The following SLC25A24 variants were observed in gnomAD, a reference collection of about 807,000 sequenced individuals.
The protein encoded by SLC25A24 is mitochondrial adenyl nucleotide antiporter SLC25A24.
A neutral mutation model predicts 60.7 loss-of-function variants in SLC25A24; 49 were observed. The ratio of observed to expected loss-of-function variants is 0.81; its 90% confidence interval spans 0.64 to 1.02. The LOEUF is 1.02. Ranked by LOEUF, SLC25A24 falls within the 50% of genes least tolerant of loss-of-function variation. SLC25A24 has a pLI of 0.00. For synonymous variants in SLC25A24, 202 were observed against 200.6 expected (o/e 1.01, Z -0.06); for missense variants, 564 against 586.3 (o/e 0.96, Z 0.39).
Position 108,185,812 on chromosome 1 carries a change from C to A in SLC25A24, c.310+16G>T. ...GCTTCTTCATAGCTGGTGATAAATA[C>A]AAAAGAAAGACACACCATCATTATT... is the stretch of plus-strand genomic sequence containing the variant. On this transcript the variant is annotated intron_variant, in intron 2 of 9. Transcript: ENST00000565488. 1 of 1,571,692 alleles carries A rather than the reference C, an allele frequency of 6.4e-7. No individual in the cohort carries two copies. Among genetic ancestry groups the A allele is most frequent in the Non-Finnish European group, 8.7e-7 (1 of 1,150,312 alleles).
rs1210448515 is a variant in SLC25A24 at position 108,136,723 on chromosome 1, A to G, written c.1364T>C (p.Leu455Pro). The change falls in exon 10 of 10, where the codon CTC becomes CCC. Residue 455 changes from leucine to proline, a missense_variant. Leu to Pro is a moderately conservative substitution (Grantham distance 98). Coordinates refer to ENST00000565488, the MANE Select transcript of SLC25A24 (RefSeq NM_013386.5). ...RGITPNFMKV[L>P]PAVGISYVVY... ...CACATAACTGATGCCTACAGCAGGG[A>G]GCACCTTCATGAAGTTTGGGGTGAT... 9 of 1,614,014 alleles carry G rather than the reference A, an allele frequency of 5.6e-6. No individual in the cohort carries two copies. Among genetic ancestry groups the G allele is most frequent in the South Asian group, 1.1e-5 (1 of 91,094 alleles).
intron 6 of SLC25A24, 83 bp downstream of exon 6, chr1:108,154,900 C>T (rs777816933): frequency 1.4e-5 from 15 of 1,049,596 alleles, no homozygotes; most frequent in Non-Finnish European, 1.9e-5. Flanking sequence ...AACAAGAATC[C>T]CAAAAGCATT....
chr1:108,162,760 T>G lies in SLC25A24; in HGVS notation c.399-1467A>C, dbSNP rs1005496691. Among the ~76,000 whole-genome samples, 619 of 152,082 alleles carry G rather than the reference T, an allele frequency of 4.1e-3. 3 individuals carry two copies. Among genetic ancestry groups the G allele is most frequent in the Non-Finnish European group, 6.7e-3 (455 of 67,880 alleles). Reference sequence around the variant, plus strand: ...TTTGGAGGTTGCCTGTTCACTCTGATAGTAGTTTCTTTTGCTGTGCAGAAG... The same window carrying G: ...TTTGGAGGTTGCCTGTTCACTCTGAGAGTAGTTTCTTTTGCTGTGCAGAAG... On this transcript the variant is annotated intron_variant, in intron 3 of 9. Transcript: ENST00000565488.
At chr1:108,157,436 C>G (rs1363555792) in intron 5 of SLC25A24, 26 bp downstream of exon 5, 1 of 1,602,194 alleles carries the variant, frequency 6.2e-7, no homozygotes, top group East Asian at 2.2e-5. Context: ...TTAGGGCAAA[C>G]CTGGACACAC....
chr1:108,158,929 G>A (rs568224395), intron 4 of SLC25A24, among the ~76,000 whole-genome samples: 20 of 152,140 alleles, frequency 1.3e-4, no homozygotes, highest in South Asian at 8.3e-4. Flanking sequence ...CGTGAACCCC[G>A]GAGGCCGAGT....
At chr1:108,179,747 A>T (rs991746385) in intron 3 of SLC25A24, among the ~76,000 whole-genome samples, 1 of 152,180 alleles carries the variant, frequency 6.6e-6, no homozygotes, top group African/African-American at 2.4e-5. Flanking sequence ...GTTAAAGGAC[A>T]CACAATTTCA....
At chr1:108,152,607 A>G (rs1334374937) in intron 6 of SLC25A24, among the ~76,000 whole-genome samples, 2 of 152,128 alleles carry the variant, frequency 1.3e-5, no homozygotes, top group Admixed American at 1.3e-4. Context: ...ACTACCTCCT[A>G]AAGTGCTGGG....
At position 108,200,335 on chromosome 1, in the gene SLC25A24, GCA is replaced by G; in HGVS notation, c.-199_-198del. 1 of 315,918 alleles carries G rather than the reference GCA, an allele frequency of 3.2e-6. No individual in the cohort carries two copies. The highest frequency in any genetic ancestry group is 5.6e-6 in the Non-Finnish European group (1 of 179,624). The allele number at this position is 315,918 out of a possible 1,614,324, so 19.6% of individuals were successfully genotyped here. The stretch of plus-strand genomic sequence containing the variant: ...GACCCCACCCGAGCCCGCGCGGAGC[GCA>G]GGGTGTGGCCGTCCCGCCGCTGCTG... On this transcript the variant is annotated 5_prime_UTR_variant, in exon 1 of 10. Coordinates refer to ENST00000565488, the MANE Select transcript of SLC25A24 (RefSeq NM_013386.5).
chr1:108,137,405 A>G (rs959309189), intron 9 of SLC25A24, among the ~76,000 whole-genome samples: 1 of 152,206 alleles, frequency 6.6e-6, no homozygotes, highest in African/African-American at 2.4e-5. Flanking sequence ...AGGAAGAGAA[A>G]GCGAAAACCA....
At chr1:108,153,935 T>C (rs1423418706) in intron 6 of SLC25A24, among the ~76,000 whole-genome samples, 1 of 152,160 alleles carries the variant, frequency 6.6e-6, no homozygotes, top group Non-Finnish European at 1.5e-5. Context: ...AATCCAAGTA[T>C]GTGGTCAGAA....
At chr1:108,187,927 G>GATAGATAGATAGATAGATAGATAT in intron 1 of SLC25A24, among the ~76,000 whole-genome samples, 1 of 95,748 alleles carries the variant, frequency 1.0e-5, no homozygotes, top group Non-Finnish European at 2.1e-5. Context: ...AGACATTATA[G>GATAGATAGATAGATAGATAGATAT]ATATATATAT....
At chr1:108,142,957 T>C (rs528269400) in intron 8 of SLC25A24, among the ~76,000 whole-genome samples, 3 of 152,262 alleles carry the variant, frequency 2.0e-5, no homozygotes, top group Non-Finnish European at 4.4e-5. Flanking sequence ...CATCCTAACA[T>C]GCACCCTGGC....
At chr1:108,170,948 C>A (rs745654831) in intron 3 of SLC25A24, among the ~76,000 whole-genome samples, 2 of 152,078 alleles carry the variant, frequency 1.3e-5, no homozygotes, top group Non-Finnish European at 2.9e-5. Context: ...ATTTAGGCTG[C>A]CCCATTTGAG....
In SLC25A24 at chr1:108,191,492, G is replaced by A. The variant is rs776669591; in HGVS notation, c.184-5538C>T. ...TTCTAGGAATTAAAAATCCAGATAA[G>A]CTTTGCAGAAATAACATTTTGGACT... On this transcript the variant is annotated intron_variant, in intron 1 of 9. Coordinates refer to ENST00000565488, the MANE Select transcript of SLC25A24 (RefSeq NM_013386.5). Among the ~76,000 whole-genome samples the A allele has an allele frequency of 3.5e-4, 49 of 140,138 alleles. 9 individuals are homozygous for A. The highest frequency in any genetic ancestry group is 6.6e-4 in the Non-Finnish European group (42 of 63,992). 91.9% of individuals were successfully genotyped at this position (140,138 alleles called of 152,430 possible). A position where few individuals can be genotyped will look rare whatever the true frequency, so the allele number is the denominator to read the frequency against.
In SLC25A24 at chr1:108,200,101, G is replaced by A. The variant is rs759588873; in HGVS notation, c.38C>T (p.Ala13Val). Residue 13 changes from alanine (A) to valine (V), a missense_variant, in exon 1 of 10, where the codon GCG becomes GTG. By Grantham distance (64) the Ala-to-Val change is moderately conservative (BLOSUM62 0). Transcript: ENST00000565488. ...RWLRDFVLPT[A>V]ACQDAEQPTR... Reference sequence around the variant, plus strand: ...CGGCTGCTCCGCGTCCTGGCAGGCCGCGGTGGGCAGCACGAAGTCCCGCAG... The same window carrying A: ...CGGCTGCTCCGCGTCCTGGCAGGCCACGGTGGGCAGCACGAAGTCCCGCAG... The A allele has an allele frequency of 1.5e-5, 23 of 1,570,782 alleles. No individual in the cohort carries two copies. Among genetic ancestry groups the A allele is most frequent in the Non-Finnish European group, 1.9e-5 (22 of 1,158,910 alleles).
Position 108,154,934 on chromosome 1 carries a change from G to A in SLC25A24, c.822+49C>T, listed in dbSNP as rs78616848. ...TTATACATTAACATTTATTGAATCC[G>A]TTTACTAACTCCTCTTTGTTAATAA... On this transcript the variant is annotated intron_variant, in intron 6 of 9. Coordinates refer to ENST00000565488, the MANE Select transcript of SLC25A24 (RefSeq NM_013386.5). The A allele has an allele frequency of 9.8e-4, 1,389 of 1,415,416 alleles. 11 individuals carry two copies. In the African/African-American group the frequency reaches 0.016, roughly 17 times the overall value. 87.7% of individuals were successfully genotyped at this position (1,415,416 alleles called of 1,614,324 possible). A position where few individuals can be genotyped will look rare whatever the true frequency, so the allele number is the denominator to read the frequency against.
chr1:108,161,217 T>C lies in SLC25A24; in HGVS notation c.475A>G (p.Ile159Val), dbSNP rs775501491. The change falls in exon 4 of 10, where the codon ATT (isoleucine) becomes GTT (valine). Residue 159 changes from isoleucine (I) to valine (V), a missense_variant. Physicochemically the swap from Ile to Val is conservative, Grantham distance 29. Transcript: ENST00000565488. Reference protein sequence around the residue: ...DYFLFNPVTDIEEIIRFWKHS... With the variant: ...DYFLFNPVTDVEEIIRFWKHS... ...TTCCAGAAACGGATAATTTCCTCAA[T>C]GTCTGTAACAGGATTAAATAAGAAG... 1.3e-6 allele frequency: 2 copies of C among 1,593,674 alleles called. No individual in the cohort carries two copies. Among genetic ancestry groups the C allele is most frequent in the East Asian group, 2.2e-5 (1 of 44,768 alleles).
At chr1:108,155,476 G>A (rs10881508) in intron 5 of SLC25A24, among the ~76,000 whole-genome samples, 76,711 of 151,436 alleles carry the variant, frequency 0.51, 19,961 homozygotes, top group African/African-American at 0.63. Flanking sequence ...AACATGAACA[G>A]GCTCAGTTAA....
At chr1:108,164,683 TTTTTTC>T (rs1429456698) in intron 3 of SLC25A24, among the ~76,000 whole-genome samples, 1 of 150,316 alleles carries the variant, frequency 6.7e-6, no homozygotes, top group Non-Finnish European at 1.5e-5. Flanking sequence ...TCTTCTCTCT[TTTTTTC>T]TTTATTAGTC....
Sources: allele counts gnomAD v4.1 joint callset (sites outside exome capture counted in the v4.1 genomes callset), GRCh38; gene constraint gnomAD v4.1.1; transcripts MANE v1.5; gene names NCBI Gene and HGNC (gene_info 2026-07-23, HGNC 2026-07-21).